Variants in CXCL9 observed in about 807,000 individuals in gnomAD.
CXCL9 encodes C-X-C motif chemokine 9.
Under a neutral mutation model 11.7 loss-of-function variants are expected in CXCL9, and 8 were observed. The observed-to-expected ratio is 0.68, with a 90% CI of 0.40 to 1.23. The LOEUF (loss-of-function observed/expected upper bound fraction) is 1.23. Ranked by LOEUF, CXCL9 falls within the 50% of genes most tolerant of loss-of-function variation. The pLI is 0.01. For missense variants in CXCL9, 133 were observed against 141.7 expected, an observed-to-expected ratio of 0.94 and a Z score of 0.31; for synonymous variants, 43 against 48.2, an observed-to-expected ratio of 0.89 and a Z score of 0.45.
chr4:76,006,374 A>G, intron 1 of CXCL9, 100 bp from the exon 2 acceptor site: 3 of 1,220,924 alleles, frequency 2.5e-6, no homozygotes, highest in Non-Finnish European at 3.4e-6. Context: ...GATTATTGCT[A>G]TCATTTACCG....
chr4:76,005,000 A>G, intron 2 of CXCL9, 107 bp from the exon 3 acceptor site: 1 of 1,328,012 alleles, frequency 7.5e-7, no homozygotes, highest in Non-Finnish European at 9.7e-7. Context: ...TTCTAATGAA[A>G]CTACTTAAAA....
At chr4:76,005,630 A>G (rs1395936186) in intron 2 of CXCL9, 1 of 152,336 alleles carries the variant, frequency 6.6e-6, no homozygotes, top group Non-Finnish European at 1.5e-5. Flanking sequence ...ATGATGAAAT[A>G]CAGTTTGGCC....
At position 76,006,171 on chromosome 4, in the gene CXCL9, A is replaced by T. The variant is rs746277278; in HGVS notation, c.168T>A (p.Pro56=). 6.2e-7 allele frequency: 1 copy of T among 1,613,616 alleles called. No homozygotes were observed. The highest frequency in any genetic ancestry group is 1.1e-5 in the South Asian group (1 of 91,076). The part of the protein sequence containing the change: ...LKDLKQFAPS[P]SCEKIEIIAT... ...ACATGATTTCAATTTTCTCGCAGGA[A>T]GGGCTTGGGGCAAATTGTTTAAGGT... The change falls in exon 2 of 4, where the codon CCT becomes CCA. Residue 56 remains proline (P), a synonymous_variant. Coordinates refer to ENST00000264888, the MANE Select transcript of CXCL9 (RefSeq NM_002416.3).
chr4:76,002,982 G>T lies in CXCL9; in HGVS notation c.*616C>A, dbSNP rs1005063683. The T allele has an allele frequency of 6.6e-6, 1 of 152,370 alleles. No homozygotes were observed. Among genetic ancestry groups the T allele is most frequent in the African/African-American group, 2.4e-5 (1 of 41,448 alleles). The allele number at this position is 152,370 out of a possible 1,614,324, so 9.4% of individuals were successfully genotyped here. A position where few individuals can be genotyped will look rare whatever the true frequency, so the allele number is the denominator to read the frequency against. The stretch of plus-strand genomic sequence containing the variant: ...AAGAAATAAAGTGGTCAGCCTGAGC[G>T]GGCAAGATGGAATCACATGGCTTCC... On this transcript the variant is annotated 3_prime_UTR_variant, in exon 4 of 4. Transcript: ENST00000264888.
At chr4:76,007,224 G>A (rs1406497835) in intron 1 of CXCL9, among the ~76,000 whole-genome samples, 162 bp downstream of exon 1, 1 of 152,168 alleles carries the variant, frequency 6.6e-6, no homozygotes, top group Non-Finnish European at 1.5e-5. Flanking sequence ...GCAGATCGAA[G>A]TTATGAACTT....
At chr4:76,006,109 C>T (rs1196257545) in intron 2 of CXCL9, 39 bp downstream of exon 2, 2 of 1,592,802 alleles carry the variant, frequency 1.3e-6, no homozygotes, top group South Asian at 1.1e-5. Context: ...AATGTTCTTG[C>T]CAATATGGTG....
In CXCL9 at chr4:76,003,504, C is replaced by A; in HGVS notation, c.*94G>T. ...TAAATTTTCTAGTCAAATTAATAAG[C>A]CTTTGTATTATATGCCATCCTCCTT... On this transcript the variant is annotated 3_prime_UTR_variant, in exon 4 of 4. Transcript: ENST00000264888. The A allele has an allele frequency of 1.4e-6, 1 of 706,220 alleles. No homozygotes were observed. The allele number at this position is 706,220 out of a possible 1,614,324, so 43.7% of individuals were successfully genotyped here.
intron 1 of CXCL9, 73 bp downstream of exon 1, chr4:76,007,313 T>C (rs1731606515): frequency 2.3e-6 from 2 of 882,538 alleles, no homozygotes; most frequent in Non-Finnish European, 3.9e-6. Flanking sequence ...ACATTCACCT[T>C]TATCTGGCTA....
chr4:76,007,081 G>C (rs1334969567), intron 1 of CXCL9, among the ~76,000 whole-genome samples: 1 of 152,008 alleles, frequency 6.6e-6, no homozygotes, highest in Non-Finnish European at 1.5e-5. Flanking sequence ...GATATACTTA[G>C]CAAAAAACAG....
At chr4:76,006,387 T>C (rs1301894755) in intron 1 of CXCL9, 113 bp from the exon 2 acceptor site, 8 of 1,073,152 alleles carry the variant, frequency 7.5e-6, no homozygotes, top group Non-Finnish European at 9.4e-6. Flanking sequence ...ATTTACCGAG[T>C]GCCTAAAAAT....
In CXCL9 at chr4:76,007,087, A is replaced by T. The variant is rs562197013; in HGVS notation, c.64+299T>A. On this transcript the variant is annotated intron_variant, in intron 1 of 3. Coordinates refer to ENST00000264888, the MANE Select transcript of CXCL9 (RefSeq NM_002416.3). ...TTAGCCACAGATATACTTAGCAAAAAACAGTATCAGGGAGAAGAAAATAAT... is the reference window on the plus strand; with the variant it reads ...TTAGCCACAGATATACTTAGCAAAATACAGTATCAGGGAGAAGAAAATAAT... Among the ~76,000 whole-genome samples the T allele has an allele frequency of 8.9e-4, 136 of 152,292 alleles. 3 individuals carry two copies. Among genetic ancestry groups the T allele is most frequent in the African/African-American group, 3.2e-3 (132 of 41,550 alleles).
intron 3 of CXCL9, 46 bp downstream of exon 3, chr4:76,004,762 AG>A (rs777008142): frequency 6.3e-7 from 1 of 1,576,878 alleles, no homozygotes; most frequent in Non-Finnish European, 8.6e-7. Flanking sequence ...TGTCTTCTAA[AG>A]TTAATTTCTA....
rs1052555198 is a variant in CXCL9 at position 76,004,896 on chromosome 4, G to T, written c.192-3C>A. The T allele has an allele frequency of 6.5e-7, 1 of 1,547,876 alleles. No homozygotes were observed. Among genetic ancestry groups the T allele is most frequent in the South Asian group, 1.3e-5 (1 of 76,664 alleles). On this transcript the variant is annotated splice_polypyrimidine_tract_variant and splice_region_variant and intron_variant, in intron 2 of 3. Transcript: ENST00000264888. ...GAACTCCATTCTTCAGTGTAGCACT[G>T]CCAAAGAAATAGCAATGAGATAGTT...
Position 76,006,202 on chromosome 4 carries a change from A to G in CXCL9, c.137T>C (p.Leu46Ser). The part of the protein sequence containing the change: ...TNQGTIHLQS[L>S]KDLKQFAPSP... Reference sequence around the variant, plus strand: ...TGGGGCAAATTGTTTAAGGTCTTTCAAGGATTGTAGGTGGATAGTCCCTTG... The same window carrying G: ...TGGGGCAAATTGTTTAAGGTCTTTCGAGGATTGTAGGTGGATAGTCCCTTG... The change falls in exon 2 of 4, where the codon TTG becomes TCG. Residue 46 changes from leucine to serine, a missense_variant. By Grantham distance (145) the Leu-to-Ser change is moderately radical. Transcript: ENST00000264888. The G allele has an allele frequency of 6.2e-7, 1 of 1,613,798 alleles. No homozygotes were observed. Among genetic ancestry groups the G allele is most frequent in the Non-Finnish European group, 8.5e-7 (1 of 1,179,762 alleles).
At position 76,001,415 on chromosome 4, in the gene CXCL9, A is replaced by C. The variant is rs1458695331; in HGVS notation, c.*2183T>G. 3 of 152,250 alleles carry C rather than the reference A, an allele frequency of 2.0e-5. No homozygotes were observed. The highest frequency in any genetic ancestry group is 4.4e-5 in the Non-Finnish European group (3 of 68,052). 9.4% of individuals were successfully genotyped at this position (152,250 alleles called of 1,614,324 possible). ...ATAAGGACATATAAGATTTACTATT[A>C]AACATTCAACAGTTGAAGGGTACAT... On this transcript the variant is annotated 3_prime_UTR_variant, in exon 4 of 4. Coordinates refer to ENST00000264888, the MANE Select transcript of CXCL9 (RefSeq NM_002416.3).
intron 2 of CXCL9, 38 bp downstream of exon 2, chr4:76,006,110 C>T (rs1275039919): frequency 3.1e-6 from 5 of 1,593,876 alleles, no homozygotes; most frequent in Non-Finnish European, 4.3e-6. Context: ...ATGTTCTTGC[C>T]AATATGGTGC....
chr4:76,003,230 A>G lies in CXCL9; in HGVS notation c.*368T>C, dbSNP rs189193108. 2.7e-5 allele frequency: 5 copies of G among 184,738 alleles called. No individual in the cohort carries two copies. The highest frequency in any genetic ancestry group is 5.6e-5 in the Non-Finnish European group (5 of 89,926). 11.4% of individuals were successfully genotyped at this position (184,738 alleles called of 1,614,324 possible). On this transcript the variant is annotated 3_prime_UTR_variant, in exon 4 of 4. Transcript: ENST00000264888. ...CTTAGGACTTGCTGACATGTGCCTC[A>G]GATACTCTCTGGAGGCTGCAGTACG... is the stretch of plus-strand genomic sequence containing the variant.
In CXCL9 at chr4:76,002,433, G is replaced by A. The variant is rs1395155771; in HGVS notation, c.*1165C>T. ...GTAGTGAGTGTCCTGAAGATAATAA[G>A]TAAGAGGTTACCAGAGGCTAGCCAA... On this transcript the variant is annotated 3_prime_UTR_variant, in exon 4 of 4. Coordinates refer to ENST00000264888, the MANE Select transcript of CXCL9 (RefSeq NM_002416.3). 2.5e-6 allele frequency: 1 copy of A among 398,310 alleles called. No individual in the cohort carries two copies. The highest frequency in any genetic ancestry group is 4.4e-6 in the Non-Finnish European group (1 of 225,952). The allele number at this position is 398,310 out of a possible 1,614,324, so 24.7% of individuals were successfully genotyped here.
Position 76,002,613 on chromosome 4 carries a change from G to T in CXCL9, c.*985C>A, listed in dbSNP as rs1731496750. ...AACAGGGAAATATACTGTGGCTCTT[G>T]CCCTCAAGGAGCTGACAATCTGGTT... On this transcript the variant is annotated 3_prime_UTR_variant, in exon 4 of 4. Coordinates refer to ENST00000264888, the MANE Select transcript of CXCL9 (RefSeq NM_002416.3). 1 of 361,090 alleles carries T rather than the reference G, an allele frequency of 2.8e-6. No homozygotes were observed. The highest frequency in any genetic ancestry group is 2.1e-5 in the African/African-American group (1 of 48,064). 22.4% of individuals were successfully genotyped at this position (361,090 alleles called of 1,614,324 possible).
Sources: allele counts gnomAD v4.1 joint callset (sites outside exome capture counted in the v4.1 genomes callset), GRCh38; gene constraint gnomAD v4.1.1; transcripts MANE v1.5; gene names NCBI Gene and HGNC (gene_info 2026-07-23, HGNC 2026-07-21).